The following OPCML variants were observed in gnomAD, a reference collection of about 807,000 sequenced individuals.
OPCML encodes the protein opioid-binding protein/cell adhesion molecule.
In OPCML, 13 loss-of-function variants were observed where a neutral mutation model predicts 37.8. That is an observed-to-expected ratio of 0.34 (90% CI 0.22 to 0.55). OPCML has a LOEUF of 0.55. OPCML is among the 20% of genes least tolerant of loss of function. The pLI, the probability that OPCML is intolerant of heterozygous loss-of-function variation, is 0.91. For missense variants in OPCML, 341 were observed against 435.6 expected (o/e 0.78, Z 1.93); for synonymous variants, 176 against 168.8 (o/e 1.04, Z -0.33).
chr11:133,188,110 G>T (rs1198985797), intron 1 of OPCML, among the ~76,000 whole-genome samples: 1 of 152,180 alleles, frequency 6.6e-6, no homozygotes, highest in Non-Finnish European at 1.5e-5. Context: ...AAGAGGAAAT[G>T]ACATCAATTA....
intron 2 of OPCML, among the ~76,000 whole-genome samples, chr11:132,705,978 T>C (rs2509074): frequency 0.082 from 12,512 of 152,054 alleles, 617 homozygotes; most frequent in Non-Finnish European, 0.11. Context: ...CAGCTAATTT[T>C]TGTATCTTTA....
chr11:133,222,555 C>T (rs1355687225), intron 1 of OPCML, among the ~76,000 whole-genome samples: 1 of 152,172 alleles, frequency 6.6e-6, no homozygotes, highest in Admixed American at 6.5e-5. Flanking sequence ...CTACAGTCAT[C>T]AGGCTGTGTT....
At chr11:133,006,212 C>T (rs1184422473) in intron 1 of OPCML, 3 of 731,308 alleles carry the variant, frequency 4.1e-6, no homozygotes, top group Non-Finnish European at 5.0e-6. Context: ...GGAGCCTGGC[C>T]CCTCGTCTTC....
At chr11:133,435,139 G>A (rs1946206738) in intron 1 of OPCML, among the ~76,000 whole-genome samples, 1 of 152,020 alleles carries the variant, frequency 6.6e-6, no homozygotes, top group Admixed American at 6.6e-5. Flanking sequence ...AGGGTCCAAA[G>A]GGGTCACTTA....
At position 132,913,600 on chromosome 11, in the gene OPCML, C is replaced by T. The variant is rs369694434; in HGVS notation, c.146+29326G>A. On this transcript the variant is annotated intron_variant, in intron 2 of 7. Transcript: ENST00000524381. ...CTGACCCCTCCTCATTTCACAAGGC[C>T]GACTCTCAGTCCAGTATAGTGCCGT... 2.0e-4 allele frequency among the ~76,000 whole-genome samples: 31 copies of T among 152,178 alleles called. No individual in the cohort carries two copies. In the South Asian group the frequency reaches 3.5e-3, roughly 17 times the overall value.
rs189049016 is a variant in OPCML, at chr11:133,308,818, C to G, written c.61+223446G>C. Among the ~76,000 whole-genome samples, 375 of 152,158 alleles carry G rather than the reference C, an allele frequency of 2.5e-3. 1 individual carries two copies. The highest frequency in any genetic ancestry group is 8.5e-3 in the African/African-American group (352 of 41,500). On this transcript the variant is annotated intron_variant, in intron 1 of 7. Transcript: ENST00000524381. The stretch of plus-strand genomic sequence containing the variant: ...ATTTTGGTGCTGAAAAGTATAAAAG[C>G]AATCTTTAAAAAAGAGAGATGTGTA...
At chr11:132,928,277 G>C (rs1272438960) in intron 2 of OPCML, among the ~76,000 whole-genome samples, 2 of 151,916 alleles carry the variant, frequency 1.3e-5, no homozygotes, top group African/African-American at 4.8e-5. Flanking sequence ...AAAAGTGAAA[G>C]GTTGAAAAAG....
chr11:133,056,800 C>A (rs1206748747), intron 1 of OPCML, among the ~76,000 whole-genome samples: 1 of 152,142 alleles, frequency 6.6e-6, no homozygotes, highest in Non-Finnish European at 1.5e-5. Flanking sequence ...GAAACAGATT[C>A]TCAACTCCTC....
At chr11:132,707,787 T>C (rs1387301943) in intron 2 of OPCML, among the ~76,000 whole-genome samples, 1 of 152,222 alleles carries the variant, frequency 6.6e-6, no homozygotes, top group Non-Finnish European at 1.5e-5. Context: ...ACTCAGATTG[T>C]GTTCAGTTCT....
chr11:132,467,255 C>T lies in OPCML; in HGVS notation c.506-29896G>A, dbSNP rs185473275. Among the ~76,000 whole-genome samples the T allele has an allele frequency of 2.4e-3, 366 of 152,306 alleles. 1 individual carries two copies. The highest frequency in any genetic ancestry group is 8.2e-3 in the African/African-American group (342 of 41,574). On this transcript the variant is annotated intron_variant, in intron 4 of 7. Coordinates refer to ENST00000524381, the MANE Select transcript of OPCML (RefSeq NM_001012393.5). Reference sequence around the variant, plus strand: ...CCCTGTGCAGCCCTGCTCCTCTAGCCTTCCGTCTCCCTTCAGTGGGATTAC... The same window carrying T: ...CCCTGTGCAGCCCTGCTCCTCTAGCTTTCCGTCTCCCTTCAGTGGGATTAC...
chr11:133,501,838 C>A (rs769212312), intron 1 of OPCML, among the ~76,000 whole-genome samples: 1 of 152,150 alleles, frequency 6.6e-6, no homozygotes, highest in Admixed American at 6.5e-5. Flanking sequence ...CCTCACCAGT[C>A]CGGGCTCCTC....
chr11:133,467,369 C>T (rs1947000464), intron 1 of OPCML, among the ~76,000 whole-genome samples: 4 of 152,214 alleles, frequency 2.6e-5, no homozygotes, highest in Admixed American at 2.6e-4. Context: ...CCACCTCTGT[C>T]TGCATTCTCA....
At chr11:132,948,820 T>TA (rs1165273636) in intron 1 of OPCML, among the ~76,000 whole-genome samples, 2 of 152,166 alleles carry the variant, frequency 1.3e-5, no homozygotes, top group East Asian at 1.9e-4. Context: ...ATTTGTGACA[T>TA]AAAAAAAGAT....
intron 2 of OPCML, among the ~76,000 whole-genome samples, chr11:132,892,638 G>T (rs926392535): frequency 4.6e-5 from 7 of 152,110 alleles, no homozygotes; most frequent in Non-Finnish European, 2.9e-5. Flanking sequence ...CTGGTGGTGG[G>T]TGCCTCTAAT....
intron 4 of OPCML, among the ~76,000 whole-genome samples, chr11:132,440,481 G>A (rs936217628): frequency 4.6e-5 from 7 of 152,096 alleles, no homozygotes; most frequent in African/African-American, 7.2e-5. Context: ...GCACTGTGCC[G>A]CGCTGTTCGT....
chr11:132,792,188 A>C (rs886571719), intron 2 of OPCML, among the ~76,000 whole-genome samples: 3 of 152,126 alleles, frequency 2.0e-5, no homozygotes, highest in African/African-American at 7.2e-5. Context: ...CATCTTTACA[A>C]TATTAAAATG....
At chr11:133,376,880 G>T (rs1284022892) in intron 1 of OPCML, among the ~76,000 whole-genome samples, 3 of 152,120 alleles carry the variant, frequency 2.0e-5, no homozygotes, top group East Asian at 3.9e-4. Context: ...AGGACATGTC[G>T]GTGTAACCCA....
At chr11:133,402,839 C>G (rs1945437968) in intron 1 of OPCML, among the ~76,000 whole-genome samples, 1 of 152,230 alleles carries the variant, frequency 6.6e-6, no homozygotes, top group Non-Finnish European at 1.5e-5. Context: ...CTCTAAGCCA[C>G]TGGACCCAAG....
At chr11:132,844,663 T>A (rs961933571) in intron 2 of OPCML, among the ~76,000 whole-genome samples, 3 of 152,172 alleles carry the variant, frequency 2.0e-5, no homozygotes, top group African/African-American at 7.2e-5. Context: ...TATTTTAGGC[T>A]TTGCAGGCTA....
Sources: allele counts gnomAD v4.1 joint callset (sites outside exome capture counted in the v4.1 genomes callset), GRCh38; gene constraint gnomAD v4.1.1; transcripts MANE v1.5; gene names NCBI Gene and HGNC (gene_info 2026-07-23, HGNC 2026-07-21).